The following ITGB5 variants were observed in gnomAD, a reference collection of about 807,000 sequenced individuals.
ITGB5 encodes integrin subunit beta 5.
In ITGB5, 38 loss-of-function variants were observed where a neutral mutation model predicts 84.8. That is an observed-to-expected ratio of 0.45 (90% CI 0.35 to 0.59). The LOEUF (loss-of-function observed/expected upper bound fraction) is 0.59, where lower values mean the gene tolerates loss of function less well. ITGB5 is among the 20% of genes least tolerant of loss of function. ITGB5 has a pLI of 0.01. For synonymous variants in ITGB5, 393 were observed against 414.4 expected, an observed-to-expected ratio of 0.95 and a Z score of 0.63; for missense variants, 905 against 1,034.5, an observed-to-expected ratio of 0.87 and a Z score of 1.72.
upstream of ITGB5, among the ~76,000 whole-genome samples, chr3:124,888,082 A>G (rs558251740): frequency 3.3e-5 from 5 of 150,960 alleles, no homozygotes; most frequent in African/African-American, 1.2e-4. Context: ...CACCCGGACA[A>G]TTTTTACATG....
chr3:124,840,593 A>G (rs1559962527), intron 5 of ITGB5, among the ~76,000 whole-genome samples: 1 of 152,152 alleles, frequency 6.6e-6, no homozygotes, highest in Non-Finnish European at 1.5e-5. Flanking sequence ...CTGGATTCAT[A>G]TATCACAGAG....
At chr3:124,834,627 G>C (rs1175766466) in intron 5 of ITGB5, among the ~76,000 whole-genome samples, 1 of 110,024 alleles carries the variant, frequency 9.1e-6, no homozygotes, top group Non-Finnish European at 1.9e-5. Flanking sequence ...GATGGGGAGG[G>C]AGGGAGGGAG....
intron 5 of ITGB5, among the ~76,000 whole-genome samples, chr3:124,834,551 AGC>A (rs2064903531): frequency 1.3e-4 from 1 of 7,988 alleles, no homozygotes; most frequent in African/African-American, 8.6e-4. Flanking sequence ...GAGGGGAGGG[AGC>A]GGGGGGAGGG....
intron 5 of ITGB5, among the ~76,000 whole-genome samples, chr3:124,834,719 A>G (rs2064908894): frequency 6.6e-6 from 1 of 152,134 alleles, no homozygotes; most frequent in Non-Finnish European, 1.5e-5. Context: ...CCAGGAATAC[A>G]GGGAAGTAGT....
intron 10 of ITGB5, among the ~76,000 whole-genome samples, chr3:124,775,278 TTGTG>T (rs1342505143): frequency 1.4e-5 from 2 of 143,338 alleles, no homozygotes; most frequent in African/African-American, 2.5e-5. Flanking sequence ...AAGTGTATGT[TTGTG>T]AGTGGGTGCA....
At chr3:124,892,948 T>C (rs1164607328) in intron 1 of ITGB5, among the ~76,000 whole-genome samples, 2 of 152,110 alleles carry the variant, frequency 1.3e-5, no homozygotes, top group Non-Finnish European at 2.9e-5. Flanking sequence ...AAAACAACTA[T>C]CCTACAGTAT....
chr3:124,883,795 C>A (rs1413401470), intron 1 of ITGB5, among the ~76,000 whole-genome samples: 3 of 152,158 alleles, frequency 2.0e-5, no homozygotes, highest in Non-Finnish European at 1.5e-5. Context: ...GCAAAGGCAG[C>A]GTGGAAAAGC....
intron 5 of ITGB5, among the ~76,000 whole-genome samples, chr3:124,840,873 C>T (rs1483522384): frequency 6.6e-6 from 1 of 152,086 alleles, no homozygotes; most frequent in African/African-American, 2.4e-5. Flanking sequence ...ACTATGTTGG[C>T]CAGGCTGGCC....
chr3:124,777,707 G>A (rs2150942550), intron 10 of ITGB5, among the ~76,000 whole-genome samples: 1 of 152,324 alleles, frequency 6.6e-6, no homozygotes. Flanking sequence ...GGTGGGAGCT[G>A]GCACACAAGT....
intron 11 of ITGB5, among the ~76,000 whole-genome samples, chr3:124,772,789 A>G (rs955361663): frequency 2.6e-5 from 4 of 152,132 alleles, no homozygotes; most frequent in African/African-American, 9.7e-5. Flanking sequence ...CAATCTCTGC[A>G]TTCAGCAGCA....
At chr3:124,782,822 T>C (rs532902805) in intron 10 of ITGB5, among the ~76,000 whole-genome samples, 3 of 151,770 alleles carry the variant, frequency 2.0e-5, no homozygotes, top group East Asian at 1.9e-4. Context: ...GATTGTGCCA[T>C]TGCACTCTAG....
intron 9 of ITGB5, among the ~76,000 whole-genome samples, chr3:124,807,931 G>T (rs189757936): frequency 1.6e-3 from 156 of 98,866 alleles, no homozygotes; most frequent in Admixed American, 2.6e-3. Context: ...GACAGAGCGA[G>T]ACTTCATCTC....
chr3:124,853,777 G>A (rs1051460596), intron 3 of ITGB5, among the ~76,000 whole-genome samples: 2 of 152,176 alleles, frequency 1.3e-5, no homozygotes, highest in Non-Finnish European at 2.9e-5. Flanking sequence ...ATGTACTTTT[G>A]TTATATTAAG....
intron 1 of ITGB5, among the ~76,000 whole-genome samples, chr3:124,875,383 A>G (rs1245974097): frequency 1.3e-5 from 2 of 151,604 alleles, no homozygotes; most frequent in African/African-American, 4.8e-5. Flanking sequence ...AGGCTGAGGC[A>G]CGAGAATCAC....
intron 13 of ITGB5, among the ~76,000 whole-genome samples, 158 bp downstream of exon 13, chr3:124,766,059 CAAAAAAAAA>C (rs376914121): frequency 3.8e-5 from 4 of 104,446 alleles, no homozygotes; most frequent in African/African-American, 6.8e-5. Context: ...CAGCCTGTGT[CAAAAAAAAA>C]AAAAAAAAGA....
intron 1 of ITGB5, among the ~76,000 whole-genome samples, chr3:124,885,687 A>C (rs539661334): frequency 3.3e-5 from 5 of 152,198 alleles, no homozygotes; most frequent in African/African-American, 1.2e-4. Flanking sequence ...AATATCCGTG[A>C]TGGGCACTGG....
rs1356583395 is a variant in ITGB5 at position 124,821,391 on chromosome 3, T to G, written c.864A>C (p.Lys288Asn). Reference protein sequence around the residue: ...DDVPHIALDGKLGGLVQPHDG... With the variant: ...DDVPHIALDGNLGGLVQPHDG... ...CGTGTGGCTGCACCAGGCCTCCCAA[T>G]TTTCCATCCAATGCGATGTGGGGCA... Residue 288 changes from lysine (K) to asparagine (N), a missense_variant, in exon 6 of 15, where the codon AAA (lysine) becomes AAC (asparagine). Around this residue, in one of 3 missense-constraint regions of ITGB5, gnomAD observed 656 missense variants for 734.7 expected, o/e 0.89. Coordinates refer to ENST00000296181, the MANE Select transcript of ITGB5 (RefSeq NM_002213.5). 1 of 1,614,100 alleles carries G rather than the reference T, an allele frequency of 6.2e-7. No individual in the cohort carries two copies. The highest frequency in any genetic ancestry group is 1.3e-5 in the African/African-American group (1 of 74,934).
At chr3:124,886,800 C>A in intron 1 of ITGB5, 131 bp downstream of exon 1, 1 of 399,490 alleles carries the variant, frequency 2.5e-6, no homozygotes, top group Non-Finnish European at 3.9e-6. Flanking sequence ...CAGCGACTGG[C>A]CCACCAGGGA....
At chr3:124,846,013 T>C (rs1286884694) in intron 4 of ITGB5, among the ~76,000 whole-genome samples, 2 of 152,238 alleles carry the variant, frequency 1.3e-5, no homozygotes, top group African/African-American at 4.8e-5. Context: ...CAGCAAATGA[T>C]GATGCCTAGT....
Sources: allele counts gnomAD v4.1 joint callset (sites outside exome capture counted in the v4.1 genomes callset), GRCh38; gene constraint gnomAD v4.1.1; regional missense constraint gnomAD v4.1.1; transcripts MANE v1.5; gene names NCBI Gene and HGNC (gene_info 2026-07-23, HGNC 2026-07-21).